C3orf18: variants seen among roughly 807,000 people sequenced by gnomAD.
C3orf18 encodes the protein uncharacterized protein C3orf18.
In C3orf18, 12 loss-of-function variants were observed where a neutral mutation model predicts 14.1. The observed-to-expected ratio is 0.85, with a 90% confidence interval of 0.55 to 1.38. The LOEUF (loss-of-function observed/expected upper bound fraction) is 1.38, where lower values mean the gene tolerates loss of function less well. Ranked by LOEUF, C3orf18 falls within the 40% of genes most tolerant of loss-of-function variation. The pLI, the probability that C3orf18 is intolerant of heterozygous loss-of-function variation, is 0.00. For synonymous variants in C3orf18, 82 were observed against 87.9 expected, an observed-to-expected ratio of 0.93 and a Z score of 0.38; for missense variants, 196 against 213.9, an observed-to-expected ratio of 0.92 and a Z score of 0.52.
chr3:50,568,309 C>T (rs1700500601), upstream of C3orf18, among the ~76,000 whole-genome samples: 1 of 152,162 alleles, frequency 6.6e-6, no homozygotes. Flanking sequence ...AGGGAAGGAG[C>T]CCTCAGATAC....
upstream of C3orf18, chr3:50,571,246 T>G: frequency 1.2e-6 from 2 of 1,613,608 alleles, no homozygotes; most frequent in Non-Finnish European, 1.7e-6. Flanking sequence ...GGTCAGCCAC[T>G]GGACTGGGGT....
In C3orf18 at chr3:50,565,357, ACT is replaced by A; in HGVS notation, c.234+107_234+108del. The stretch of plus-strand genomic sequence containing the variant: ...ACTCCAGCCTGCATGACAGAGCAAG[ACT>A]CTGTCTCAAAAACAACAATAACAAC... On this transcript the variant is annotated intron_variant, in intron 3 of 5. Coordinates refer to ENST00000357203, the MANE Select transcript of C3orf18 (RefSeq NM_016210.5). The surrounding 1 kb of genome is among the most constrained non-coding windows in gnomAD (Gnocchi z 4.4). The A allele has an allele frequency of 1.2e-6, 1 of 846,298 alleles. No homozygotes were observed. The highest frequency in any genetic ancestry group is 1.9e-6 in the Non-Finnish European group (1 of 531,200). 52.4% of individuals were successfully genotyped at this position (846,298 alleles called of 1,614,324 possible).
At chr3:50,571,946 G>A, upstream of C3orf18, 12 of 937,338 alleles carry the variant, frequency 1.3e-5, no homozygotes, top group South Asian at 1.7e-4. Context: ...TGGGGCCGGG[G>A]TACTGAATAG....
chr3:50,564,932 A>G (rs1291257804), intron 3 of C3orf18, among the ~76,000 whole-genome samples: 1 of 152,150 alleles, frequency 6.6e-6, no homozygotes, highest in African/African-American at 2.4e-5. Context: ...CTCCTTGACT[A>G]CTATGTGGCC....
At chr3:50,571,154 G>C (rs749987126), upstream of C3orf18, 1 of 1,613,108 alleles carries the variant, frequency 6.2e-7, no homozygotes. Context: ...GGCCCAGGGA[G>C]GAGGGGAAGT....
At chr3:50,561,923 A>G in intron 3 of C3orf18, 176 bp from the exon 4 acceptor site, 1 of 657,790 alleles carries the variant, frequency 1.5e-6, no homozygotes. Flanking sequence ...TTTTTGAGAC[A>G]GAGTCTTGCT....
In C3orf18 at chr3:50,559,255, C is replaced by A; in HGVS notation, c.*402G>T. On this transcript the variant is annotated 3_prime_UTR_variant, in exon 6 of 6. Transcript: ENST00000357203. ...AGGCTCCAGATTCCAAAAAACAGGT[C>A]TCTCCCTAACAGAGGGAAACCTCCC... The A allele has an allele frequency of 7.1e-6, 9 of 1,263,272 alleles. No individual in the cohort carries two copies. The highest frequency in any genetic ancestry group is 9.2e-6 in the Non-Finnish European group (9 of 978,778). The allele number at this position is 1,263,272 out of a possible 1,614,324, so 78.3% of individuals were successfully genotyped here. A position where few individuals can be genotyped will look rare whatever the true frequency, so the allele number is the denominator to read the frequency against.
At chr3:50,571,160 G>C (rs775852273), upstream of C3orf18, 23 of 1,613,308 alleles carry the variant, frequency 1.4e-5, no homozygotes, top group Non-Finnish European at 1.9e-5. Context: ...GGGAGGAGGG[G>C]AAGTACCCGG....
At position 50,566,081 on chromosome 3, in the gene C3orf18, CAT is replaced by C; in HGVS notation, c.-240_-239del. 5.5e-6 allele frequency: 1 copy of C among 180,680 alleles called. No individual in the cohort carries two copies. The highest frequency in any genetic ancestry group is 1.2e-5 in the Non-Finnish European group (1 of 85,784). 11.2% of individuals were successfully genotyped at this position (180,680 alleles called of 1,614,324 possible). ...ATCCTCTGTCTGTGGGTGAGATGAT[CAT>C]AGTGATCAAACCTGGAAGATATGAA... On this transcript the variant is annotated 5_prime_UTR_variant, in exon 2 of 6. An upstream start codon of the reference 5' UTR is lost. Transcript: ENST00000357203.
At position 50,565,516 on chromosome 3, in the gene C3orf18, T is replaced by C. The variant is rs761883400; in HGVS notation, c.184A>G (p.Met62Val). 1.2e-6 allele frequency: 2 copies of C among 1,613,932 alleles called. No homozygotes were observed. The highest frequency in any genetic ancestry group is 3.3e-5 in the Admixed American group (2 of 60,004). Reference protein sequence around the residue: ...AAGGTAGVGTMLLSFGIITVI... With the variant: ...AAGGTAGVGTVLLSFGIITVI... ...GTGATGATCCCAAAGGACAGAAGCA[T>C]GGTACCCACGCCGGCCGTGCCACCA... The change falls in exon 3 of 6, where the codon ATG becomes GTG. Residue 62 changes from methionine to valine, a missense_variant. Transcript: ENST00000357203. This position sits in a 1 kb window ranked among gnomAD's most constrained non-coding sequence, Gnocchi z 4.4.
chr3:50,558,915 A>G lies in C3orf18; in HGVS notation c.*742T>C. ...CAGGCACATGTCTGCCCATGGGCAC[A>G]CTCATGCACATGCATGAGGCCTCTC... On this transcript the variant is annotated 3_prime_UTR_variant, in exon 6 of 6. Coordinates refer to ENST00000357203, the MANE Select transcript of C3orf18 (RefSeq NM_016210.5). 1.6e-6 allele frequency: 2 copies of G among 1,288,230 alleles called. No individual in the cohort carries two copies. Among genetic ancestry groups the G allele is most frequent in the Admixed American group, 2.3e-5 (1 of 43,512 alleles). The allele number at this position is 1,288,230 out of a possible 1,614,324, so 79.8% of individuals were successfully genotyped here.
At position 50,561,760 on chromosome 3, in the gene C3orf18, G is replaced by A. The variant is rs185694874; in HGVS notation, c.235-13C>T. 1.2e-6 allele frequency: 2 copies of A among 1,613,806 alleles called. No individual in the cohort carries two copies. The highest frequency in any genetic ancestry group is 1.1e-5 in the South Asian group (1 of 91,062). On this transcript the variant is annotated splice_polypyrimidine_tract_variant and intron_variant, in intron 3 of 5. Transcript: ENST00000357203. ...TGATGTACAAAACCTGCAAGAGAAGGAGCAGCATCAAATGGCAAGGAGAGG... is the reference window on the plus strand; with the variant it reads ...TGATGTACAAAACCTGCAAGAGAAGAAGCAGCATCAAATGGCAAGGAGAGG...
intron 5 of C3orf18, among the ~76,000 whole-genome samples, chr3:50,559,984 C>T (rs936206415): frequency 3.9e-5 from 6 of 152,224 alleles, no homozygotes; most frequent in South Asian, 2.1e-4. Flanking sequence ...ACTGCCTTTT[C>T]CCAGTGGGGG....
chr3:50,564,865 T>G (rs781706447), intron 3 of C3orf18, among the ~76,000 whole-genome samples: 12 of 152,218 alleles, frequency 7.9e-5, no homozygotes, highest in Admixed American at 2.0e-4. Flanking sequence ...TGCTGGCTGC[T>G]CACAGAACCC....
At chr3:50,571,577 G>T, upstream of C3orf18, 1 of 868,324 alleles carries the variant, frequency 1.2e-6, no homozygotes, top group South Asian at 1.4e-5. Flanking sequence ...GCAGGATGCT[G>T]CCCCCTCTGG....
chr3:50,565,505 G>A lies in C3orf18; in HGVS notation c.195C>T (p.Ser65=). 4 of 1,614,024 alleles carry A rather than the reference G, an allele frequency of 2.5e-6. No individual in the cohort carries two copies. The highest frequency in any genetic ancestry group is 3.4e-6 in the Non-Finnish European group (4 of 1,180,020). The part of the protein sequence containing the change: ...GTAGVGTMLL[S]FGIITVIGLA... ...GGCCTATCACCGTGATGATCCCAAA[G>A]GACAGAAGCATGGTACCCACGCCGG... Residue 65 remains serine, a synonymous_variant, in exon 3 of 6, where the codon TCC becomes TCT. Coordinates refer to ENST00000357203, the MANE Select transcript of C3orf18 (RefSeq NM_016210.5). This position sits in a 1 kb window ranked among gnomAD's most constrained non-coding sequence, Gnocchi z 4.4.
upstream of C3orf18, chr3:50,571,957 G>C (rs1236211500): frequency 4.6e-6 from 3 of 654,228 alleles, no homozygotes. Flanking sequence ...TACTGAATAG[G>C]AAGAAGGGAG....
intron 3 of C3orf18, 45 bp from the exon 4 acceptor site, chr3:50,561,792 T>C (rs1699985220): frequency 6.2e-7 from 1 of 1,609,802 alleles, no homozygotes; most frequent in Middle Eastern, 1.8e-4. Flanking sequence ...GAGGAGGCCC[T>C]GAGGAACCCA....
At chr3:50,562,638 C>T (rs1002801773) in intron 3 of C3orf18, 3 of 434,156 alleles carry the variant, frequency 6.9e-6, no homozygotes, top group South Asian at 1.7e-5. Context: ...GACTCTGTAG[C>T]GTGTAGAGCA....
Sources: gnomAD v4.1 joint callset for allele counts (sites outside exome capture counted in the v4.1 genomes callset) on GRCh38, gnomAD v4.1.1 for gene constraint, Gnocchi (gnomAD v3.1) non-coding constraint, MANE v1.5 for transcripts, NCBI Gene and HGNC (gene_info 2026-07-23, HGNC 2026-07-21) for gene names.